ANKRD44: variants seen among roughly 807,000 people sequenced by gnomAD.
The protein encoded by ANKRD44 is ankyrin repeat domain 44.
ANKRD44 carries 35 observed loss-of-function variants against 116.0 expected under a neutral mutation model. The observed-to-expected ratio is 0.30, with a 90% CI of 0.23 to 0.40. The LOEUF (loss-of-function observed/expected upper bound fraction) is 0.40. Ranked by LOEUF, ANKRD44 falls within the 10% of genes least tolerant of loss-of-function variation. The pLI is 1.00. For synonymous variants in ANKRD44, 435 were observed against 461.8 expected (o/e 0.94, Z 0.74); for missense variants, 1,014 against 1,242.6 (o/e 0.82, Z 2.77).
At chr2:197,145,869 T>C (rs899285018) in intron 3 of ANKRD44, among the ~76,000 whole-genome samples, 1 of 152,322 alleles carries the variant, frequency 6.6e-6, no homozygotes, top group East Asian at 1.9e-4. Context: ...TATAGGCCTT[T>C]TGACTAGTCT....
chr2:196,986,394 A>T (rs977078594), downstream of ANKRD44, among the ~76,000 whole-genome samples: 1 of 152,072 alleles, frequency 6.6e-6, no homozygotes, highest in African/African-American at 2.4e-5. Context: ...CAGCCTGGAC[A>T]ACAGAGCAGA....
At chr2:197,223,281 C>T (rs2081625909) in intron 1 of ANKRD44, among the ~76,000 whole-genome samples, 1 of 152,202 alleles carries the variant, frequency 6.6e-6, no homozygotes, top group Admixed American at 6.5e-5. Flanking sequence ...CAGTAAACCA[C>T]TATCCTGACA....
intron 17 of ANKRD44, among the ~76,000 whole-genome samples, chr2:197,016,166 C>T (rs1432228729): frequency 6.6e-6 from 1 of 152,116 alleles, no homozygotes; most frequent in Non-Finnish European, 1.5e-5. Flanking sequence ...GAAAAGTTAC[C>T]GCAGCTTAAG....
chr2:197,103,510 G>T (rs752141966), intron 9 of ANKRD44, among the ~76,000 whole-genome samples: 5 of 152,102 alleles, frequency 3.3e-5, no homozygotes, highest in Non-Finnish European at 7.4e-5. Flanking sequence ...AACTAGATTA[G>T]TGGTTGCCAG....
At chr2:197,074,325 G>A (rs1313023019) in intron 16 of ANKRD44, among the ~76,000 whole-genome samples, 1 of 152,212 alleles carries the variant, frequency 6.6e-6, no homozygotes, top group Admixed American at 6.5e-5. Flanking sequence ...ACAATCATCA[G>A]AGACTTGTTT....
At chr2:197,176,217 G>T (rs1441750902) in intron 2 of ANKRD44, among the ~76,000 whole-genome samples, 1 of 152,176 alleles carries the variant, frequency 6.6e-6, no homozygotes, top group African/African-American at 2.4e-5. Context: ...TTGCACATGG[G>T]AAATAAATAA....
rs1015869233 is a variant in ANKRD44 at position 196,976,137 on chromosome 2, T to TTA, written c.2369-8693_2369-8692dup. 8.6e-4 allele frequency among the ~76,000 whole-genome samples: 130 copies of TTA among 151,934 alleles called. 1 individual carries two copies. The highest frequency in any genetic ancestry group is 3.0e-3 in the African/African-American group (123 of 41,436). On this transcript the variant is annotated intron_variant, in intron 21 of 21. Coordinates refer to the ANKRD44 transcript ENST00000424317. The stretch of plus-strand genomic sequence containing the variant: ...AAAAACCCATGGTAAACAAAATATA[T>TTA]TATATATATATTGAGATGGAGTCTC...
intron 1 of ANKRD44, among the ~76,000 whole-genome samples, chr2:197,190,843 G>A (rs2080805181): frequency 6.6e-6 from 1 of 152,226 alleles, no homozygotes; most frequent in Non-Finnish European, 1.5e-5. Context: ...CTGCACAAGA[G>A]CAGAGTCCCA....
At chr2:197,059,069 T>C (rs528016951) in intron 16 of ANKRD44, among the ~76,000 whole-genome samples, 1 of 152,300 alleles carries the variant, frequency 6.6e-6, no homozygotes, top group African/African-American at 2.4e-5. Flanking sequence ...TGAATTATAT[T>C]ATCATGGTGG....
intron 1 of ANKRD44, among the ~76,000 whole-genome samples, chr2:197,214,356 T>TA (rs952652535): frequency 7.2e-5 from 11 of 151,960 alleles, no homozygotes; most frequent in African/African-American, 1.9e-4. Flanking sequence ...AGTGACAATT[T>TA]AAAAAAAACA....
rs2077977922 is a variant in ANKRD44 at position 197,088,643 on chromosome 2, C to A, written c.1247+68G>T. 3.8e-5 allele frequency: 36 copies of A among 952,410 alleles called. No individual in the cohort carries two copies. In the South Asian group the frequency reaches 7.4e-4, roughly 20 times the overall value. The allele number at this position is 952,410 out of a possible 1,614,324, so 59.0% of individuals were successfully genotyped here. The stretch of plus-strand genomic sequence containing the variant: ...AAGGAAATTGCCTTTGATTCACAGA[C>A]AACTTAAGTCAAGTCAATAAAGATG... On this transcript the variant is annotated intron_variant, in intron 12 of 27. Transcript: ENST00000282272.
intron 3 of ANKRD44, among the ~76,000 whole-genome samples, chr2:197,143,054 A>G (rs1288417106): frequency 1.3e-5 from 2 of 150,944 alleles, no homozygotes; most frequent in African/African-American, 4.8e-5. Flanking sequence ...GTTATGCCTC[A>G]CAAACACTCC....
chr2:197,100,755 A>C (rs1462602549), intron 9 of ANKRD44, among the ~76,000 whole-genome samples: 1 of 152,234 alleles, frequency 6.6e-6, no homozygotes, highest in Admixed American at 6.5e-5. Flanking sequence ...CAATAAACTG[A>C]AAATGCCTAT....
chr2:197,086,715 G>A lies in ANKRD44; in HGVS notation c.1281C>T (p.Ser427=), dbSNP rs562843246. Residue 427 remains serine, a synonymous_variant, in exon 13 of 28, where the codon AGC becomes AGT. Transcript: ENST00000282272. Reference sequence around the variant, plus strand: ...TGTCCTTTTTATGGAAATCTGCTCCGCTGCTCTGCAAGAGTTTTATACATT... The same window carrying A: ...TGTCCTTTTTATGGAAATCTGCTCCACTGCTCTGCAAGAGTTTTATACATT... ...NVECIKLLQS[S]GADFHKKDKC... 5.0e-5 allele frequency: 81 copies of A among 1,613,804 alleles called. No homozygotes were observed. In the Middle Eastern group the frequency reaches 8.2e-4, roughly 16 times the overall value.
chr2:197,035,470 G>A (rs1436044295), intron 16 of ANKRD44, among the ~76,000 whole-genome samples: 2 of 152,192 alleles, frequency 1.3e-5, no homozygotes. Context: ...ACACAAATTA[G>A]AAGGGATGGG....
chr2:197,161,060 T>C (rs781155458), intron 2 of ANKRD44, among the ~76,000 whole-genome samples: 23 of 152,302 alleles, frequency 1.5e-4, no homozygotes, highest in Non-Finnish European at 2.8e-4. Flanking sequence ...TTCTATGCCC[T>C]TTCTAAATTG....
chr2:197,275,570 G>T (rs1178223360), intron 1 of ANKRD44, among the ~76,000 whole-genome samples: 1 of 152,110 alleles, frequency 6.6e-6, no homozygotes, highest in Non-Finnish European at 1.5e-5. Flanking sequence ...ACCATGTTGG[G>T]GGGGTGGGCA....
At chr2:197,058,113 A>G (rs989312855) in intron 16 of ANKRD44, among the ~76,000 whole-genome samples, 2 of 152,222 alleles carry the variant, frequency 1.3e-5, no homozygotes, top group Non-Finnish European at 2.9e-5. Context: ...TAAATACACA[A>G]TAACATTAAA....
At chr2:197,237,901 G>A (rs2082010498) in intron 1 of ANKRD44, among the ~76,000 whole-genome samples, 1 of 152,192 alleles carries the variant, frequency 6.6e-6, no homozygotes, top group Admixed American at 6.5e-5. Context: ...TTCCACTCCT[G>A]AAAATGCTGC....
Sources: gnomAD v4.1 joint callset for allele counts (sites outside exome capture counted in the v4.1 genomes callset) on GRCh38, gnomAD v4.1.1 for gene constraint, MANE v1.5 for transcripts, NCBI Gene and HGNC (gene_info 2026-07-23, HGNC 2026-07-21) for gene names.